CAMSAP2: variants seen among roughly 807,000 people sequenced by gnomAD.
CAMSAP2 encodes calmodulin regulated spectrin associated protein family member 2, also known as calmodulin-regulated spectrin-associated protein 2.
A neutral mutation model predicts 146.1 loss-of-function variants in CAMSAP2; 26 were observed. That is an observed-to-expected ratio of 0.18 (90% CI 0.13 to 0.25). The LOEUF (loss-of-function observed/expected upper bound fraction) is 0.25. Ranked by LOEUF, CAMSAP2 falls within the 10% of genes least tolerant of loss-of-function variation. CAMSAP2 has a pLI of 1.00. For synonymous variants in CAMSAP2, 499 were observed against 596.6 expected (o/e 0.84, Z 2.38); for missense variants, 1,381 against 1,759.3 (o/e 0.78, Z 3.85).
chr1:200,745,967 AG>A lies in CAMSAP2; in HGVS notation c.139+6003del, dbSNP rs201894694. Among the ~76,000 whole-genome samples, 154 of 152,366 alleles carry A rather than the reference AG, an allele frequency of 1.0e-3. 1 individual carries two copies. The East Asian group carries it at 0.028, about 27-fold the overall frequency. On this transcript the variant is annotated intron_variant, in intron 1 of 16. Transcript: ENST00000358823. The stretch of plus-strand genomic sequence containing the variant: ...TGACAGTTAAAAAGTTTTTAAAAAT[AG>A]GTATACAGGTACAGATTCAAAACTC...
At chr1:200,770,409 C>T (rs991215737) in intron 2 of CAMSAP2, among the ~76,000 whole-genome samples, 5 of 150,812 alleles carry the variant, frequency 3.3e-5, no homozygotes, top group African/African-American at 4.9e-5. Context: ...ACAAAATGTC[C>T]CCCTACTATT....
intron 1 of CAMSAP2, among the ~76,000 whole-genome samples, chr1:200,746,740 T>A (rs2102987177): frequency 6.6e-6 from 1 of 151,778 alleles, no homozygotes; most frequent in African/African-American, 2.4e-5. Flanking sequence ...TGCCTCAGCC[T>A]CCCGAGTAGC....
At chr1:200,819,799 A>G (rs1183302398) in intron 4 of CAMSAP2, among the ~76,000 whole-genome samples, 1 of 152,208 alleles carries the variant, frequency 6.6e-6, no homozygotes, top group Non-Finnish European at 1.5e-5. Context: ...GTATATTACT[A>G]GTAGATTTAT....
chr1:200,816,871 T>C lies in CAMSAP2; in HGVS notation c.645+1227T>C, dbSNP rs1312705320. The stretch of plus-strand genomic sequence containing the variant: ...ACACACACACGCGTGTGTATGTGTG[T>C]ACACACACACGCGTGTGTATGTGTG... On this transcript the variant is annotated intron_variant, in intron 4 of 16. Transcript: ENST00000358823. 3.1e-4 allele frequency among the ~76,000 whole-genome samples: 18 copies of C among 57,702 alleles called. 2 individuals carry two copies. Among genetic ancestry groups the C allele is most frequent in the East Asian group, 1.9e-3 (2 of 1,076 alleles). 37.9% of individuals were successfully genotyped at this position (57,702 alleles called of 152,430 possible). A position where few individuals can be genotyped will look rare whatever the true frequency, so the allele number is the denominator to read the frequency against.
intron 2 of CAMSAP2, among the ~76,000 whole-genome samples, chr1:200,780,923 A>T (rs1665411982): frequency 1.3e-5 from 2 of 152,170 alleles, no homozygotes; most frequent in Admixed American, 6.5e-5. Flanking sequence ...GTAGAGGTAA[A>T]TTGGGGAACA....
At chr1:200,825,867 C>G (rs115085569) in intron 4 of CAMSAP2, among the ~76,000 whole-genome samples, 427 of 152,258 alleles carry the variant, frequency 2.8e-3, no homozygotes, top group African/African-American at 9.5e-3. Context: ...GTTTCTTCAA[C>G]TATGTACCTA....
chr1:200,828,694 G>GT (rs1666966558), intron 4 of CAMSAP2: 1 of 1,232,682 alleles, frequency 8.1e-7, no homozygotes, highest in African/African-American at 1.5e-5. Flanking sequence ...GTCATTTCAT[G>GT]TAATTCTGTT....
At chr1:200,780,399 G>T (rs1665398987) in intron 2 of CAMSAP2, among the ~76,000 whole-genome samples, 1 of 152,116 alleles carries the variant, frequency 6.6e-6, no homozygotes, top group Non-Finnish European at 1.5e-5. Context: ...ATGTAGGTAG[G>T]AGCATTTAGT....
Position 200,783,949 on chromosome 1 carries a change from G to A in CAMSAP2, c.399+22851G>A, listed in dbSNP as rs138085900. On this transcript the variant is annotated intron_variant, in intron 2 of 16. Transcript: ENST00000358823. ...TTTTTTTCCCCTATGTTTTCTTCTC[G>A]AAGTTTACAGTTTTAGCTTTTTCAT... Among the ~76,000 whole-genome samples the A allele has an allele frequency of 1.4e-4, 21 of 151,836 alleles. No homozygotes were observed. The East Asian group carries it at 3.1e-3, about 22-fold the overall frequency.
chr1:200,746,641 C>T (rs1181118561), intron 1 of CAMSAP2, among the ~76,000 whole-genome samples: 7 of 145,860 alleles, frequency 4.8e-5, no homozygotes, highest in African/African-American at 1.3e-4. Flanking sequence ...TTTTTTGAGA[C>T]GGAGTCTTGC....
intron 2 of CAMSAP2, among the ~76,000 whole-genome samples, chr1:200,784,669 G>A (rs1314759906): frequency 2.6e-5 from 4 of 151,984 alleles, no homozygotes; most frequent in South Asian, 4.1e-4. Context: ...AACTTTCAAC[G>A]TAAACAATCA....
chr1:200,760,297 T>C (rs570806689), intron 1 of CAMSAP2, among the ~76,000 whole-genome samples: 1 of 152,320 alleles, frequency 6.6e-6, no homozygotes, highest in East Asian at 1.9e-4. Flanking sequence ...TTCAGTAGTG[T>C]CAGCAAGCTA....
chr1:200,759,870 G>A (rs1664753571), intron 1 of CAMSAP2, among the ~76,000 whole-genome samples: 1 of 152,216 alleles, frequency 6.6e-6, no homozygotes, highest in Admixed American at 6.5e-5. Context: ...ATGGAGAGGA[G>A]GAGGAAGAGA....
intron 11 of CAMSAP2, among the ~76,000 whole-genome samples, 192 bp from the exon 12 acceptor site, chr1:200,852,349 T>C (rs1667642251): frequency 2.0e-5 from 3 of 152,168 alleles, no homozygotes; most frequent in Admixed American, 2.0e-4. Context: ...CCTGTCCTCT[T>C]TTTTGATGGA....
chr1:200,739,743 TCTCC>T lies in CAMSAP2; in HGVS notation c.-75_-72del. The stretch of plus-strand genomic sequence containing the variant: ...CGGGCCCCGATGGTTTGAGCTTGCT[TCTCC>T]CTCCCTCCCGACCCCCGTGGTGGCG... On this transcript the variant is annotated 5_prime_UTR_variant, in exon 1 of 17. Transcript: ENST00000358823. The surrounding 1 kb of genome is among the most constrained non-coding windows in gnomAD (Gnocchi z 4.8). The T allele has an allele frequency of 7.1e-6, 10 of 1,413,336 alleles. No individual in the cohort carries two copies. Among genetic ancestry groups the T allele is most frequent in the Non-Finnish European group, 8.6e-6 (9 of 1,044,088 alleles). The allele number at this position is 1,413,336 out of a possible 1,614,324, so 87.5% of individuals were successfully genotyped here.
intron 4 of CAMSAP2, chr1:200,828,476 T>A: frequency 8.5e-7 from 1 of 1,179,946 alleles, no homozygotes; most frequent in East Asian, 2.6e-5. Context: ...AACTCCACTA[T>A]CAGAAGCTTT....
rs1667055335 is a variant in CAMSAP2 at position 200,832,009 on chromosome 1, C to T, written c.646-191C>T. The T allele has an allele frequency of 1.9e-6, 1 of 530,068 alleles. No homozygotes were observed. Among genetic ancestry groups the T allele is most frequent in the Admixed American group, 3.6e-5 (1 of 28,130 alleles). 32.8% of individuals were successfully genotyped at this position (530,068 alleles called of 1,614,324 possible). On this transcript the variant is annotated intron_variant, in intron 4 of 16. Transcript: ENST00000358823. The surrounding 1 kb of genome is among the most constrained non-coding windows in gnomAD (Gnocchi z 4.2). Reference sequence around the variant, plus strand: ...TTATATTAAGTATTGAGCTTCAAAACTATAGCTATTGTTGCCGTGTATTTA... The same window carrying T: ...TTATATTAAGTATTGAGCTTCAAAATTATAGCTATTGTTGCCGTGTATTTA...
intron 7 of CAMSAP2, 70 bp downstream of exon 7, chr1:200,842,157 T>C (rs1338937371): frequency 8.9e-7 from 1 of 1,123,376 alleles, no homozygotes; most frequent in Non-Finnish European, 1.3e-6. Flanking sequence ...TAACCTTACC[T>C]GGTTACATTT....
At position 200,858,080 on chromosome 1, in the gene CAMSAP2, C is replaced by T. The variant is rs1406735352; in HGVS notation, c.*21C>T. 2 of 1,526,878 alleles carry T rather than the reference C, an allele frequency of 1.3e-6. No homozygotes were observed. Among genetic ancestry groups the T allele is most frequent in the Admixed American group, 2.3e-5 (1 of 43,986 alleles). The allele number at this position is 1,526,878 out of a possible 1,614,324, so 94.6% of individuals were successfully genotyped here. On this transcript the variant is annotated 3_prime_UTR_variant, in exon 17 of 17. Transcript: ENST00000358823. Reference sequence around the variant, plus strand: ...CATAGAAGTTGGGAAATACTTGCTTCAGAACATTCATGGTAAATTTGCACT... The same window carrying T: ...CATAGAAGTTGGGAAATACTTGCTTTAGAACATTCATGGTAAATTTGCACT...
Sources: allele counts gnomAD v4.1 joint callset (sites outside exome capture counted in the v4.1 genomes callset), GRCh38; gene constraint gnomAD v4.1.1; non-coding constraint Gnocchi (gnomAD v3.1); transcripts MANE v1.5; gene names NCBI Gene and HGNC (gene_info 2026-07-23, HGNC 2026-07-21).